Variants in RECQL4 observed in about 807,000 individuals in gnomAD.
The protein encoded by RECQL4 is RecQ like helicase 4, also known as ATP-dependent DNA helicase Q4.
Under a neutral mutation model 128.6 loss-of-function variants are expected in RECQL4, and 158 were observed. The observed-to-expected ratio is 1.23, with a 90% CI of 1.08 to 1.40. The LOEUF (loss-of-function observed/expected upper bound fraction) is 1.40, where lower values mean the gene tolerates loss of function less well. RECQL4 is among the 40% of genes most tolerant of loss of function. RECQL4 has a pLI of 0.00. For synonymous variants in RECQL4, 996 were observed against 678.9 expected, an observed-to-expected ratio of 1.47 and a Z score of -7.26; for missense variants, 2,293 against 1,649.8, an observed-to-expected ratio of 1.39 and a Z score of -6.75.
rs909777665 is a variant in RECQL4 at position 144,514,296 on chromosome 8, G to T, written c.1771C>A (p.Pro591Thr). ...PEALVGAGGL[P>T]PAAQLPPVAF... Reference sequence around the variant, plus strand: ...ACTGGAGGCAGCTGTGCGGCTGGAGGGAGGCCTCCCGCCCCCACCAGTGCC... The same window carrying T: ...ACTGGAGGCAGCTGTGCGGCTGGAGTGAGGCCTCCCGCCCCCACCAGTGCC... The change falls in exon 11 of 21, where the codon CCT (proline) becomes ACT (threonine). Residue 591 changes from proline to threonine, a missense_variant. Pro to Thr is a conservative substitution (Grantham distance 38). Transcript: ENST00000617875. 1 of 1,611,164 alleles carries T rather than the reference G, an allele frequency of 6.2e-7. No homozygotes were observed. Among genetic ancestry groups the T allele is most frequent in the African/African-American group, 1.3e-5 (1 of 75,012 alleles).
At chr8:144,515,550 G>C (rs1828034855) in intron 6 of RECQL4, 93 bp from the exon 7 acceptor site, 2 of 1,572,024 alleles carry the variant, frequency 1.3e-6, no homozygotes, top group Non-Finnish European at 1.7e-6. Flanking sequence ...GGGGTTGGCA[G>C]CAGGCAGTGC....
Position 144,512,900 on chromosome 8 carries a change from T to C in RECQL4, c.2702A>G (p.Glu901Gly), listed in dbSNP as rs1827523235. The C allele has an allele frequency of 6.3e-7, 1 of 1,590,424 alleles. No homozygotes were observed. Among genetic ancestry groups the C allele is most frequent in the African/African-American group, 1.3e-5 (1 of 74,626 alleles). The change falls in exon 15 of 21, where the codon GAG (glutamate) becomes GGG (glycine). Residue 901 changes from glutamate to glycine, a missense_variant. Glu to Gly is a moderately conservative substitution (Grantham distance 98). Coordinates refer to ENST00000617875, the MANE Select transcript of RECQL4 (RefSeq NM_004260.4). ...PGPRRVCMGH[E>G]RALPIQLTVQ... Reference sequence around the variant, plus strand: ...GGTAAGCTGTATTGGGAGTGCCCGCTCATGGCCCATGCAGACCCTTCTGGG... The same window carrying C: ...GGTAAGCTGTATTGGGAGTGCCCGCCCATGGCCCATGCAGACCCTTCTGGG...
At chr8:144,512,369 G>T in intron 17 of RECQL4, 23 bp downstream of exon 17, 1 of 1,609,128 alleles carries the variant, frequency 6.2e-7, no homozygotes, top group Non-Finnish European at 8.5e-7. Context: ...GTCCAGGGCG[G>T]TGTGGGGTGG....
intron 3 of RECQL4, 80 bp from the exon 4 acceptor site, chr8:144,517,270 G>A (rs1815284615): frequency 1.3e-6 from 2 of 1,517,408 alleles, no homozygotes; most frequent in African/African-American, 1.4e-5. Flanking sequence ...TCCCGCACCT[G>A]GAGCGAGGCC....
In RECQL4 at chr8:144,517,651, G is replaced by T. The variant is rs1208380249; in HGVS notation, c.85-16C>A. On this transcript the variant is annotated splice_polypyrimidine_tract_variant and intron_variant, in intron 1 of 20. Coordinates refer to ENST00000617875, the MANE Select transcript of RECQL4 (RefSeq NM_004260.4). ...CCACGTCGTCCTGTAAAGGGAACGC[G>T]TCAGCCGCGGGCCGCGCCCTCAGCC... 1 of 1,475,608 alleles carries T rather than the reference G, an allele frequency of 6.8e-7. No homozygotes were observed. The highest frequency in any genetic ancestry group is 2.4e-5 in the Admixed American group (1 of 42,290). The allele number at this position is 1,475,608 out of a possible 1,614,324, so 91.4% of individuals were successfully genotyped here.
Position 144,514,959 on chromosome 8 carries a change from G to T in RECQL4, c.1597C>A (p.Leu533Met). The change falls in exon 9 of 21, where the codon CTG (leucine) becomes ATG (methionine). Residue 533 changes from leucine to methionine, a missense_variant. Leu to Met is a conservative substitution (Grantham distance 15). Coordinates refer to ENST00000617875, the MANE Select transcript of RECQL4 (RefSeq NM_004260.4). ...ACCTGGTCATCCATGAGTGACAGCAGGGGAGAGACGACCAACGTGAGGCAG... is the reference window on the plus strand; with the variant it reads ...ACCTGGTCATCCATGAGTGACAGCATGGGAGAGACGACCAACGTGAGGCAG... ...SPCLTLVVSP[L>M]LSLMDDQVSG... 1 of 1,611,774 alleles carries T rather than the reference G, an allele frequency of 6.2e-7. No individual in the cohort carries two copies. The highest frequency in any genetic ancestry group is 8.5e-7 in the Non-Finnish European group (1 of 1,179,566).
rs773849437 is a variant in RECQL4, at chr8:144,512,525, C to T, written c.2922G>A (p.Leu974=). ...TGCTGCCTTGCCCTGGGTCCTCAGG[C>T]AGCTGCTGGGCCAAGCACACAGCCA... The part of the protein sequence containing the change: ...PPLAVCLAQQ[L]PEDPGQGSSS... Residue 974 remains leucine, a synonymous_variant, in exon 17 of 21, where the codon CTG becomes CTA. Transcript: ENST00000617875. 6 of 1,612,594 alleles carry T rather than the reference C, an allele frequency of 3.7e-6. No individual in the cohort carries two copies. In the South Asian group the frequency reaches 6.6e-5, roughly 18 times the overall value.
At chr8:144,515,572 G>A in intron 6 of RECQL4, 115 bp from the exon 7 acceptor site, 2 of 1,532,200 alleles carry the variant, frequency 1.3e-6, no homozygotes, top group Non-Finnish European at 8.9e-7. Flanking sequence ...CTTCCTCTGG[G>A]CTACTTTTTC....
chr8:144,511,304 A>G lies in RECQL4; in HGVS notation c.*127T>C, dbSNP rs1217301850. On this transcript the variant is annotated 3_prime_UTR_variant, in exon 21 of 21. Coordinates refer to ENST00000617875, the MANE Select transcript of RECQL4 (RefSeq NM_004260.4). ...GAGGGCCCATAAAAACAAAGTGAGC[A>G]TTTTTTATTCTGCATTTTGGAGCCT... is the stretch of plus-strand genomic sequence containing the variant. 5 of 1,544,656 alleles carry G rather than the reference A, an allele frequency of 3.2e-6. No homozygotes were observed. The highest frequency in any genetic ancestry group is 2.3e-5 in the East Asian group (1 of 44,154).
intron 4 of RECQL4, 114 bp from the exon 5 acceptor site, chr8:144,516,878 G>C (rs1328813192): frequency 8.7e-6 from 12 of 1,381,352 alleles, no homozygotes; most frequent in Non-Finnish European, 1.1e-5. Context: ...TTAGCACAAG[G>C]CTGGACTAGA....
chr8:144,517,179 G>A lies in RECQL4; in HGVS notation c.225C>T (p.Pro75=), dbSNP rs2130736531. 10 of 1,604,410 alleles carry A rather than the reference G, an allele frequency of 6.2e-6. No individual in the cohort carries two copies. Among genetic ancestry groups the A allele is most frequent in the Non-Finnish European group, 7.6e-6 (9 of 1,177,242 alleles). ...GATTCAGATGGGGCCCCCAGCAGCG[G>A]GGCTCTGGCGCCTGCAGGAGACAAC... The part of the protein sequence containing the change: ...LPAAAEEAPE[P]RCWGPHLNRA... The change falls in exon 4 of 21, where the codon CCC becomes CCT. Residue 75 remains proline (P), a synonymous_variant. Coordinates refer to ENST00000617875, the MANE Select transcript of RECQL4 (RefSeq NM_004260.4).
At chr8:144,515,557 G>C in intron 6 of RECQL4, 100 bp from the exon 7 acceptor site, 1 of 1,564,714 alleles carries the variant, frequency 6.4e-7, no homozygotes, top group Non-Finnish European at 8.7e-7. Flanking sequence ...GCAGCAGGCA[G>C]TGCCCTTCCT....
At position 144,515,254 on chromosome 8, in the gene RECQL4, G is replaced by A. The variant is rs1433750252; in HGVS notation, c.1391-12C>T. 2 of 1,603,036 alleles carry A rather than the reference G, an allele frequency of 1.2e-6. No homozygotes were observed. Among genetic ancestry groups the A allele is most frequent in the Non-Finnish European group, 1.7e-6 (2 of 1,175,634 alleles). On this transcript the variant is annotated splice_polypyrimidine_tract_variant and intron_variant, in intron 7 of 20. Coordinates refer to ENST00000617875, the MANE Select transcript of RECQL4 (RefSeq NM_004260.4). ...CTCAGCCGGCGTCTCTGCAGACACA[G>A]ATGTTGATCACCATGACTTGAGTCA...
Position 144,514,281 on chromosome 8 carries a change from G to T in RECQL4, c.1786C>A (p.Leu596Met), listed in dbSNP as rs2130695683. 1 of 1,611,786 alleles carries T rather than the reference G, an allele frequency of 6.2e-7. No individual in the cohort carries two copies. The highest frequency in any genetic ancestry group is 8.5e-7 in the Non-Finnish European group (1 of 1,179,568). The change falls in exon 11 of 21, where the codon CTG becomes ATG. Residue 596 changes from leucine to methionine, a missense_variant. Physicochemically the swap from Leu to Met is conservative, Grantham distance 15. Transcript: ENST00000617875. ...GAGGLPPAAQ[L>M]PPVAFACIDE... ...ATGCAGGCAAAAGCAACTGGAGGCAGCTGTGCGGCTGGAGGGAGGCCTCCC... is the reference window on the plus strand; with the variant it reads ...ATGCAGGCAAAAGCAACTGGAGGCATCTGTGCGGCTGGAGGGAGGCCTCCC...
intron 9 of RECQL4, 92 bp from the exon 10 acceptor site, chr8:144,514,617 C>T (rs1020593583): frequency 5.0e-5 from 66 of 1,323,310 alleles, no homozygotes; most frequent in East Asian, 3.7e-4. Context: ...CCATCCTAGT[C>T]CCTCAGGGGA....
rs754788555 is a variant in RECQL4 at position 144,514,937 on chromosome 8, T to C, written c.1619A>G (p.Gln540Arg). Reference protein sequence around the residue: ...VSPLLSLMDDQVSGLPPCLKA... With the variant: ...VSPLLSLMDDRVSGLPPCLKA... ...GTGCCCAGGGCCCTGTGTGCACACCTGGTCATCCATGAGTGACAGCAGGGG... is the reference window on the plus strand; with the variant it reads ...GTGCCCAGGGCCCTGTGTGCACACCCGGTCATCCATGAGTGACAGCAGGGG... The change falls in exon 9 of 21, where the codon CAG becomes CGG. Residue 540 changes from glutamine to arginine, a missense_variant and splice_region_variant. Gln to Arg is a conservative substitution (Grantham distance 43). Coordinates refer to ENST00000617875, the MANE Select transcript of RECQL4 (RefSeq NM_004260.4). 6.2e-7 allele frequency: 1 copy of C among 1,611,174 alleles called. No individual in the cohort carries two copies. Among genetic ancestry groups the C allele is most frequent in the Admixed American group, 1.7e-5 (1 of 59,886 alleles).
intron 7 of RECQL4, 34 bp from the exon 8 acceptor site, chr8:144,515,276 G>A (rs1395849458): frequency 3.1e-6 from 5 of 1,609,250 alleles, no homozygotes; most frequent in East Asian, 2.2e-5. Context: ...CATGACTTGA[G>A]TCACCCCAAC....
intron 9 of RECQL4, 99 bp from the exon 10 acceptor site, chr8:144,514,624 G>T: frequency 7.8e-7 from 1 of 1,277,220 alleles, no homozygotes; most frequent in African/African-American, 1.5e-5. Flanking sequence ...AGTCCCTCAG[G>T]GGAGAGGAGA....
intron 10 of RECQL4, 26 bp from the exon 11 acceptor site, chr8:144,514,388 A>G: frequency 6.3e-7 from 1 of 1,599,648 alleles, no homozygotes; most frequent in Non-Finnish European, 8.5e-7. Flanking sequence ...TCAGAGGCAC[A>G]GCCCAGGTGC....
Sources: gnomAD v4.1 joint callset for allele counts on GRCh38, gnomAD v4.1.1 for gene constraint, MANE v1.5 for transcripts, NCBI Gene and HGNC (gene_info 2026-07-23, HGNC 2026-07-21) for gene names.